The following NR5A2 variants were observed in gnomAD, a reference collection of about 807,000 sequenced individuals.
NR5A2 encodes the protein CYP7A promoter-binding factor.
NR5A2 carries 26 observed loss-of-function variants against 62.7 expected under a neutral mutation model. That is an observed-to-expected ratio of 0.41 (90% CI 0.30 to 0.58). The LOEUF (loss-of-function observed/expected upper bound fraction) is 0.58, where lower values mean the gene tolerates loss of function less well. Ranked by LOEUF, NR5A2 falls within the 20% of genes least tolerant of loss-of-function variation. The pLI, the probability that NR5A2 is intolerant of heterozygous loss-of-function variation, is 0.22. For synonymous variants in NR5A2, 246 were observed against 241.7 expected, an observed-to-expected ratio of 1.02 and a Z score of -0.16; for missense variants, 541 against 669.1, an observed-to-expected ratio of 0.81 and a Z score of 2.11.
intron 1 of NR5A2, among the ~76,000 whole-genome samples, chr1:200,028,644 C>T (rs1445800782): frequency 6.6e-6 from 1 of 152,064 alleles, no homozygotes; most frequent in Non-Finnish European, 1.5e-5. Context: ...GAAGTGATTC[C>T]CAGTGATCTG....
chr1:200,091,858 G>C (rs1181935998), intron 5 of NR5A2, among the ~76,000 whole-genome samples: 12 of 152,016 alleles, frequency 7.9e-5, no homozygotes. Flanking sequence ...GTGTGTGGAG[G>C]ACTGATGTGC....
intron 5 of NR5A2, among the ~76,000 whole-genome samples, chr1:200,103,890 G>A (rs766463694): frequency 6.6e-6 from 1 of 152,220 alleles, no homozygotes; most frequent in Non-Finnish European, 1.5e-5. Context: ...AACTGTATAT[G>A]ATAAAACAGA....
intron 7 of NR5A2, among the ~76,000 whole-genome samples, chr1:200,122,746 C>T (rs75508523): frequency 0.016 from 2,361 of 152,214 alleles, 72 homozygotes; most frequent in African/African-American, 0.053. Context: ...CCTAAATGTC[C>T]ATTAAATCCA....
chr1:200,125,239 G>A lies in NR5A2; in HGVS notation c.1378+4284G>A, dbSNP rs911817572. ...TGTTCCAAGCAAATGCAAGATGATA[G>A]GCTTTCAGCCCATGTTAAGTAATAG... On this transcript the variant is annotated intron_variant, in intron 7 of 7. Transcript: ENST00000367362. Among the ~76,000 whole-genome samples the A allele has an allele frequency of 2.0e-5, 3 of 152,206 alleles. No homozygotes were observed. The East Asian group carries it at 5.8e-4, about 29-fold the overall frequency.
chr1:200,089,293 C>T (rs188550871), intron 5 of NR5A2, among the ~76,000 whole-genome samples: 1 of 152,236 alleles, frequency 6.6e-6, no homozygotes, highest in East Asian at 1.9e-4. Context: ...CGGCTCACTG[C>T]AACCTCCACC....
intron 5 of NR5A2, among the ~76,000 whole-genome samples, chr1:200,052,788 CCTG>C: frequency 6.6e-6 from 1 of 151,232 alleles, no homozygotes; most frequent in South Asian, 2.1e-4. Context: ...ACTACAGGTG[CCTG>C]CCACCACGCC....
chr1:200,138,192 G>A (rs1667309023), intron 7 of NR5A2, among the ~76,000 whole-genome samples: 2 of 152,108 alleles, frequency 1.3e-5, no homozygotes, highest in Non-Finnish European at 2.9e-5. Flanking sequence ...ATGTCTTCCT[G>A]TAATATATTG....
At chr1:200,127,336 A>G (rs1445972079) in intron 7 of NR5A2, among the ~76,000 whole-genome samples, 1 of 152,098 alleles carries the variant, frequency 6.6e-6, no homozygotes, top group Non-Finnish European at 1.5e-5. Flanking sequence ...AAATACAGTC[A>G]GCCCTCTGTA....
intron 5 of NR5A2, among the ~76,000 whole-genome samples, chr1:200,094,631 C>T (rs1032561572): frequency 2.3e-5 from 3 of 133,084 alleles, no homozygotes; most frequent in Non-Finnish European, 4.6e-5. Context: ...CTCCTGGGTT[C>T]ATGCCATTCT....
Position 200,048,665 on chromosome 1 carries a change from G to A in NR5A2, c.957G>A (p.Gln319=), listed in dbSNP as rs774908080. 2.5e-6 allele frequency: 4 copies of A among 1,614,066 alleles called. No homozygotes were observed. Among genetic ancestry groups the A allele is most frequent in the Non-Finnish European group, 3.4e-6 (4 of 1,180,040 alleles). Residue 319 remains glutamine (Q), a synonymous_variant, in exon 5 of 8, where the codon CAG becomes CAA. Coordinates refer to ENST00000367362, the MANE Select transcript of NR5A2 (RefSeq NM_205860.3). This position sits in a 1 kb window ranked among gnomAD's most constrained non-coding sequence, Gnocchi z 4.8. ...LKCEPDEPQV[Q]AKIMAYLQQE... ...GTGAGCCAGATGAGCCTCAAGTCCA[G>A]GCTAAAATCATGGCCTATTTGCAGC... is the stretch of plus-strand genomic sequence containing the variant.
chr1:200,037,372 A>G (rs72739172), intron 1 of NR5A2, among the ~76,000 whole-genome samples: 2,926 of 152,298 alleles, frequency 0.019, 48 homozygotes, highest in Non-Finnish European at 0.027. Context: ...GTTTCCTCTT[A>G]GGACCAAGCG....
chr1:200,125,177 A>G (rs12097644), intron 7 of NR5A2, among the ~76,000 whole-genome samples: 6,953 of 152,322 alleles, frequency 0.046, 532 homozygotes, highest in African/African-American at 0.16. Flanking sequence ...AATTAGAAAG[A>G]ATATTACTGA....
chr1:200,032,570 T>C (rs1423815841), intron 1 of NR5A2, among the ~76,000 whole-genome samples: 1 of 152,206 alleles, frequency 6.6e-6, no homozygotes, highest in African/African-American at 2.4e-5. Flanking sequence ...CACATCCCAC[T>C]GGAAGGTGAT....
intron 7 of NR5A2, among the ~76,000 whole-genome samples, chr1:200,137,337 T>TTC (rs1667269487): frequency 6.7e-6 from 1 of 148,240 alleles, no homozygotes; most frequent in African/African-American, 2.5e-5. Context: ...TTTTTTTTTT[T>TTC]ATGTTTTTGG....
At chr1:200,149,905 G>T (rs1253866809) in intron 7 of NR5A2, among the ~76,000 whole-genome samples, 1 of 152,106 alleles carries the variant, frequency 6.6e-6, no homozygotes, top group Non-Finnish European at 1.5e-5. Context: ...GAAGATATTT[G>T]CTTGAATCCC....
At chr1:200,148,689 C>T (rs759241981) in intron 7 of NR5A2, among the ~76,000 whole-genome samples, 4 of 152,178 alleles carry the variant, frequency 2.6e-5, no homozygotes, top group Non-Finnish European at 2.9e-5. Flanking sequence ...TGGTAAACTT[C>T]AAATTCACTA....
intron 2 of NR5A2, among the ~76,000 whole-genome samples, chr1:200,040,937 G>A (rs1418751438): frequency 1.3e-5 from 2 of 152,248 alleles, no homozygotes; most frequent in Non-Finnish European, 2.9e-5. Flanking sequence ...CAAGCCTCTA[G>A]GTAGGGCTGT....
intron 5 of NR5A2, among the ~76,000 whole-genome samples, chr1:200,081,426 T>C (rs566619762): frequency 6.6e-5 from 10 of 152,314 alleles, no homozygotes; most frequent in African/African-American, 2.4e-4. Context: ...AGAGATCAAA[T>C]CAAAGCATAC....
chr1:200,057,007 G>A (rs1466677792), intron 5 of NR5A2, among the ~76,000 whole-genome samples: 1 of 152,180 alleles, frequency 6.6e-6, no homozygotes, highest in East Asian at 1.9e-4. Flanking sequence ...CCAAGAGCAA[G>A]CCCTTGTTCC....
Sources: gnomAD v4.1 joint callset for allele counts (sites outside exome capture counted in the v4.1 genomes callset) on GRCh38, gnomAD v4.1.1 for gene constraint, Gnocchi (gnomAD v3.1) non-coding constraint, MANE v1.5 for transcripts, NCBI Gene and HGNC (gene_info 2026-07-23, HGNC 2026-07-21) for gene names.